The following CNTN5 variants were observed in gnomAD, a reference collection of about 807,000 sequenced individuals.
CNTN5 encodes the protein contactin-5.
Under a neutral mutation model 129.1 loss-of-function variants are expected in CNTN5, and 77 were observed. That is an observed-to-expected ratio of 0.60 (90% CI 0.50 to 0.72). CNTN5 has a LOEUF of 0.72. Ranked by LOEUF, CNTN5 falls within the 30% of genes least tolerant of loss-of-function variation. The probability of loss-of-function intolerance (pLI) is 0.00; values close to 1 mark genes in which losing one functional copy is unlikely to be tolerated. For synonymous variants in CNTN5, 509 were observed against 465.6 expected (o/e 1.09, Z -1.20); for missense variants, 1,478 against 1,328.8 (o/e 1.11, Z -1.75).
intron 3 of CNTN5, among the ~76,000 whole-genome samples, chr11:99,707,091 T>G (rs1444321249): frequency 6.6e-6 from 1 of 151,458 alleles, no homozygotes; most frequent in Non-Finnish European, 1.5e-5. Flanking sequence ...TGCCATAAAT[T>G]CCTCCTCTCT....
chr11:99,634,120 G>T (rs1337338108), intron 3 of CNTN5, among the ~76,000 whole-genome samples: 2 of 152,144 alleles, frequency 1.3e-5, no homozygotes, highest in Non-Finnish European at 2.9e-5. Flanking sequence ...GTGGACTTGG[G>T]AGATTAAAAG....
At chr11:100,193,764 A>AAG in intron 15 of CNTN5, 101 bp downstream of exon 15, 1 of 901,198 alleles carries the variant, frequency 1.1e-6, no homozygotes. Flanking sequence ...AAAAAAAAAA[A>AAG]CAGAACATCG....
At chr11:99,507,627 T>G (rs1425067297) in intron 2 of CNTN5, among the ~76,000 whole-genome samples, 1 of 152,138 alleles carries the variant, frequency 6.6e-6, no homozygotes, top group African/African-American at 2.4e-5. Flanking sequence ...TATTAATATT[T>G]TATACATAAC....
chr11:100,193,033 G>C (rs1270501174), intron 14 of CNTN5, among the ~76,000 whole-genome samples: 7 of 151,884 alleles, frequency 4.6e-5, no homozygotes, highest in Admixed American at 3.3e-4. Flanking sequence ...TTGGAGGGAG[G>C]TGCTTTCTAT....
At chr11:100,231,763 A>G (rs866223888) in intron 16 of CNTN5, among the ~76,000 whole-genome samples, 2 of 152,292 alleles carry the variant, frequency 1.3e-5, no homozygotes, top group Middle Eastern at 3.4e-3. Flanking sequence ...TTCTAAGCAA[A>G]TAGTTGTGTA....
chr11:99,334,302 C>A (rs12222055), intron 2 of CNTN5, among the ~76,000 whole-genome samples: 38,580 of 151,930 alleles, frequency 0.25, 5,429 homozygotes, highest in South Asian at 0.33. Flanking sequence ...AATTGACAGC[C>A]CCATAGTAGC....
At chr11:99,738,083 ATTAGT>A (rs540374589) in intron 3 of CNTN5, among the ~76,000 whole-genome samples, 33 of 152,306 alleles carry the variant, frequency 2.2e-4, no homozygotes, top group Admixed American at 9.2e-4. Context: ...AGGCACACAA[ATTAGT>A]TTAGATGGTC....
intron 1 of CNTN5, among the ~76,000 whole-genome samples, chr11:99,090,199 G>C (rs1866181706): frequency 6.6e-6 from 1 of 152,000 alleles, no homozygotes; most frequent in African/African-American, 2.4e-5. Flanking sequence ...GAGACAACGG[G>C]GATATTCATT....
At chr11:99,682,331 A>G (rs1218645158) in intron 3 of CNTN5, among the ~76,000 whole-genome samples, 4 of 151,846 alleles carry the variant, frequency 2.6e-5, no homozygotes, top group African/African-American at 4.8e-5. Context: ...AAATAGAAAG[A>G]TATTAATTGT....
At chr11:99,996,229 T>C (rs1310750417) in intron 8 of CNTN5, among the ~76,000 whole-genome samples, 1 of 152,158 alleles carries the variant, frequency 6.6e-6, no homozygotes, top group Admixed American at 6.6e-5. Flanking sequence ...TGTCTGTTTT[T>C]ATTACTATTA....
rs1211784363 is a variant in CNTN5 at position 99,130,141 on chromosome 11, A to C, written c.-210+108871A>C. 1.5e-4 allele frequency among the ~76,000 whole-genome samples: 4 copies of C among 27,294 alleles called. No homozygotes were observed. In the Admixed American group the frequency reaches 2.0e-3, roughly 14 times the overall value. 17.9% of individuals were successfully genotyped at this position (27,294 alleles called of 152,430 possible). A position where few individuals can be genotyped will look rare whatever the true frequency, so the allele number is the denominator to read the frequency against. On this transcript the variant is annotated intron_variant, in intron 1 of 24. Coordinates refer to ENST00000524871, the MANE Select transcript of CNTN5 (RefSeq NM_014361.4). Reference sequence around the variant, plus strand: ...TTAACTTTAAATGTAAATGGGCTAAATGCCCCAATTAAAATACAAAGAACG... The same window carrying C: ...TTAACTTTAAATGTAAATGGGCTAACTGCCCCAATTAAAATACAAAGAACG...
intron 1 of CNTN5, among the ~76,000 whole-genome samples, chr11:99,196,772 A>G (rs1378864440): frequency 6.6e-6 from 1 of 151,216 alleles, no homozygotes; most frequent in African/African-American, 2.4e-5. Context: ...AACATCCTTT[A>G]AAAAGAAAAA....
chr11:99,113,145 G>T (rs749518743), intron 1 of CNTN5, among the ~76,000 whole-genome samples: 1 of 151,990 alleles, frequency 6.6e-6, no homozygotes, highest in African/African-American at 2.4e-5. Context: ...GAAGCATCAT[G>T]CCATCAAAAT....
At chr11:99,939,190 C>T (rs977122955) in intron 7 of CNTN5, among the ~76,000 whole-genome samples, 8 of 152,026 alleles carry the variant, frequency 5.3e-5, no homozygotes, top group South Asian at 4.1e-4. Context: ...AAATTGATTT[C>T]TTTCTTTTCT....
At position 100,174,315 on chromosome 11, in the gene CNTN5, G is replaced by A. The variant is rs567751320; in HGVS notation, c.1581-16811G>A. ...CTTTTGAGTTAGTAGCCTGAATTAT[G>A]TTCTGAGCTTTAAAAAAGAAATACT... On this transcript the variant is annotated intron_variant, in intron 13 of 24. Transcript: ENST00000524871. Among the ~76,000 whole-genome samples the A allele has an allele frequency of 8.5e-5, 13 of 152,186 alleles. No homozygotes were observed. In the South Asian group the frequency reaches 2.7e-3, roughly 32 times the overall value.
chr11:99,267,582 T>C (rs1226869784), intron 1 of CNTN5, among the ~76,000 whole-genome samples: 6 of 151,968 alleles, frequency 3.9e-5, no homozygotes, highest in African/African-American at 9.7e-5. Flanking sequence ...CAAGGCAATA[T>C]TGATTTGATA....
chr11:99,276,804 GT>G (rs1455739156), intron 1 of CNTN5, among the ~76,000 whole-genome samples: 1 of 151,290 alleles, frequency 6.6e-6, no homozygotes, highest in Non-Finnish European at 1.5e-5. Flanking sequence ...TTTCTATCAA[GT>G]TTTATGTCAT....
chr11:99,129,796 G>A (rs1452450860), intron 1 of CNTN5, among the ~76,000 whole-genome samples: 1 of 152,148 alleles, frequency 6.6e-6, no homozygotes, highest in Non-Finnish European at 1.5e-5. Flanking sequence ...AGAAGAGATT[G>A]GGAGCCAATA....
At chr11:100,166,310 A>G (rs1167767020) in intron 13 of CNTN5, among the ~76,000 whole-genome samples, 4 of 151,734 alleles carry the variant, frequency 2.6e-5, no homozygotes, top group Non-Finnish European at 5.9e-5. Context: ...TTTTACAATA[A>G]TAGTTTAGTA....
Sources: allele counts gnomAD v4.1 joint callset (sites outside exome capture counted in the v4.1 genomes callset), GRCh38; gene constraint gnomAD v4.1.1; transcripts MANE v1.5; gene names NCBI Gene and HGNC (gene_info 2026-07-23, HGNC 2026-07-21).